The following KLRG1 variants were observed in gnomAD, a reference collection of about 807,000 sequenced individuals.
KLRG1 encodes the protein killer cell lectin-like receptor subfamily G member 1.
KLRG1 carries 16 observed loss-of-function variants against 21.8 expected under a neutral mutation model. The ratio of observed to expected loss-of-function variants is 0.73; its 90% CI spans 0.50 to 1.11. The LOEUF is 1.11. KLRG1 is among the 50% of genes most tolerant of loss of function. The pLI, the probability that KLRG1 is intolerant of heterozygous loss-of-function variation, is 0.00. For missense variants in KLRG1, 173 were observed against 218.3 expected (o/e 0.79, Z 1.31); for synonymous variants, 69 against 75.9 (o/e 0.91, Z 0.47).
the KLRG1 span, chr12:9,161,118 T>C: frequency 6.4e-7 from 1 of 1,561,608 alleles, no homozygotes; most frequent in South Asian, 1.1e-5. Flanking sequence ...CATTAGCACC[T>C]TTAGAAACAG....
At chr12:9,202,929 G>A in the KLRG1 span, among the ~76,000 whole-genome samples, 9 of 152,230 alleles carry the variant, frequency 5.9e-5, no homozygotes, top group East Asian at 1.5e-3. Context: ...TAAATTAGAT[G>A]CCTTTTAACT....
chr12:9,180,123 CTTAT>C, the KLRG1 span, among the ~76,000 whole-genome samples: 26 of 152,122 alleles, frequency 1.7e-4, no homozygotes, highest in South Asian at 6.2e-4. Flanking sequence ...TCAATAGAGG[CTTAT>C]TTATTTATTT....
the KLRG1 span, among the ~76,000 whole-genome samples, chr12:9,207,653 G>A: frequency 2.6e-5 from 4 of 152,178 alleles, no homozygotes; most frequent in Non-Finnish European, 5.9e-5. Flanking sequence ...CAAGAAGGAC[G>A]GAGAACTTTG....
At chr12:9,144,871 T>C in the KLRG1 span, among the ~76,000 whole-genome samples, 1 of 152,138 alleles carries the variant, frequency 6.6e-6, no homozygotes, top group African/African-American at 2.4e-5. Flanking sequence ...GAGATGTCAT[T>C]TGTGGTTTAT....
chr12:9,201,349 T>C, the KLRG1 span: 2 of 1,557,850 alleles, frequency 1.3e-6, no homozygotes, highest in African/African-American at 1.4e-5. Flanking sequence ...CAGTGGAATC[T>C]ATATGATAAA....
the KLRG1 span, chr12:9,196,670 A>C: frequency 1.9e-6 from 3 of 1,610,608 alleles, no homozygotes; most frequent in Non-Finnish European, 1.7e-6. Flanking sequence ...TGGGTGATGC[A>C]GCCATTGCTG....
the KLRG1 span, chr12:9,067,818 G>A: frequency 9.9e-6 from 16 of 1,612,632 alleles, no homozygotes; most frequent in East Asian, 3.1e-4. Flanking sequence ...TCAGCCTTGT[G>A]GTCTTCAAGC....
the KLRG1 span, among the ~76,000 whole-genome samples, chr12:9,176,991 A>G: frequency 6.6e-6 from 1 of 152,180 alleles, no homozygotes; most frequent in Non-Finnish European, 1.5e-5. Flanking sequence ...CAGAGAGAGG[A>G]TCGAGTATAT....
chr12:8,984,233 C>T (rs1402158874), intron 1 of KLRG1, among the ~76,000 whole-genome samples: 1 of 152,038 alleles, frequency 6.6e-6, no homozygotes, highest in Non-Finnish European at 1.5e-5. Context: ...GATGGAGTCT[C>T]GCTCTGTCAC....
chr12:9,018,455 A>C, the KLRG1 span, among the ~76,000 whole-genome samples: 1 of 152,182 alleles, frequency 6.6e-6, no homozygotes, highest in South Asian at 2.1e-4. Flanking sequence ...CAGAATAGAG[A>C]ACTCATAAGT....
chr12:9,158,725 T>TA, the KLRG1 span: 1 of 683,902 alleles, frequency 1.5e-6, no homozygotes, highest in Non-Finnish European at 2.2e-6. Flanking sequence ...CTTTTTAGCT[T>TA]AGACATCTCT....
chr12:9,066,963 A>G, the KLRG1 span: 1 of 152,190 alleles, frequency 6.6e-6, no homozygotes, highest in Non-Finnish European at 1.5e-5. Flanking sequence ...TATAGAATGG[A>G]AATATATGTC....
chr12:8,997,775 T>C (rs1024820921), intron 3 of KLRG1, among the ~76,000 whole-genome samples: 1 of 152,124 alleles, frequency 6.6e-6, no homozygotes, highest in East Asian at 1.9e-4. Flanking sequence ...AGATGTTTTA[T>C]GTATAGTATT....
chr12:9,052,899 T>C, the KLRG1 span: 4 of 430,570 alleles, frequency 9.3e-6, no homozygotes, highest in African/African-American at 4.1e-5. Flanking sequence ...GTATTGCCTT[T>C]TAAAAAATTA....
chr12:9,026,591 C>T, the KLRG1 span, among the ~76,000 whole-genome samples: 1 of 152,144 alleles, frequency 6.6e-6, no homozygotes. Flanking sequence ...TGGCTTTGAG[C>T]ATCTTCTCAA....
the KLRG1 span, chr12:9,066,312 C>T: frequency 6.6e-6 from 1 of 152,392 alleles, no homozygotes; most frequent in African/African-American, 2.4e-5. Context: ...TCTTTGGGGC[C>T]CTGGTTGGCG....
At chr12:9,145,396 G>C in the KLRG1 span, among the ~76,000 whole-genome samples, 1 of 152,146 alleles carries the variant, frequency 6.6e-6, no homozygotes, top group South Asian at 2.1e-4. Flanking sequence ...AGTTATAGCA[G>C]TCTGTTTTAA....
At chr12:9,149,576 C>T in the KLRG1 span, 30 of 1,611,478 alleles carry the variant, frequency 1.9e-5, no homozygotes, top group Middle Eastern at 1.6e-4. Flanking sequence ...CTGCAGGGGG[C>T]GATATACTCA....
At chr12:9,059,311 C>G in the KLRG1 span, among the ~76,000 whole-genome samples, 1 of 152,074 alleles carries the variant, frequency 6.6e-6, no homozygotes, top group African/African-American at 2.4e-5. Flanking sequence ...GTTTTGGTTA[C>G]CCATGTGTAA....
Sources: gnomAD v4.1 joint callset for allele counts (sites outside exome capture counted in the v4.1 genomes callset) on GRCh38, gnomAD v4.1.1 for gene constraint, MANE v1.5 for transcripts, NCBI Gene and HGNC (gene_info 2026-07-23, HGNC 2026-07-21) for gene names.